DHDH: variants seen among roughly 807,000 people sequenced by gnomAD.
The protein encoded by DHDH is trans-1,2-dihydrobenzene-1,2-diol dehydrogenase.
Under a neutral mutation model 33.2 loss-of-function variants are expected in DHDH, and 29 were observed. The observed-to-expected ratio is 0.87, with a 90% CI of 0.65 to 1.19. The LOEUF is 1.19. DHDH is among the 50% of genes most tolerant of loss of function. The probability of loss-of-function intolerance (pLI) is 0.00; values close to 1 mark genes in which losing one functional copy is unlikely to be tolerated. For synonymous variants in DHDH, 201 were observed against 187.9 expected, an observed-to-expected ratio of 1.07 and a Z score of -0.57; for missense variants, 431 against 455.0, an observed-to-expected ratio of 0.95 and a Z score of 0.48.
rs780816198 is a variant in DHDH at position 48,933,833 on chromosome 19, TG to T, written c.90+26del. On this transcript the variant is annotated intron_variant, in intron 1 of 6. Transcript: ENST00000221403. The stretch of plus-strand genomic sequence containing the variant: ...CCAGGTCTGCCCGCCCTCCGGATTC[TG>T]GGGAAGAGGAGGCGGGGGGCGGGAC... The T allele has an allele frequency of 2.5e-6, 4 of 1,603,160 alleles. No homozygotes were observed. The Admixed American group carries it at 5.0e-5, about 20-fold the overall frequency.
chr19:48,944,543 G>A (rs2037914101), intron 6 of DHDH, 36 bp downstream of exon 6: 18 of 1,556,596 alleles, frequency 1.2e-5, no homozygotes, highest in Non-Finnish European at 1.6e-5. Flanking sequence ...GCCAGGCCTG[G>A]TAGGGGGATG....
intron 4 of DHDH, 92 bp from the exon 5 acceptor site, chr19:48,942,348 T>C (rs2037875982): frequency 7.4e-7 from 1 of 1,343,348 alleles, no homozygotes; most frequent in Non-Finnish European, 9.8e-7. Context: ...TGAAGTCTCT[T>C]GCCCAAGGTT....
chr19:48,944,800 T>A (rs780589183), intron 6 of DHDH, 24 bp from the exon 7 acceptor site: 47 of 1,596,286 alleles, frequency 2.9e-5, no homozygotes, highest in Non-Finnish European at 3.6e-5. Context: ...GTAGGAGGGG[T>A]CCCTAACTAC....
At position 48,944,841 on chromosome 19, in the gene DHDH, G is replaced by C; in HGVS notation, c.913G>C (p.Val305Leu). Residue 305 changes from valine (V) to leucine (L), a missense_variant, in exon 7 of 7, where the codon GTG becomes CTG. Val to Leu is a conservative substitution (Grantham distance 32). Transcript: ENST00000221403. Reference sequence around the variant, plus strand: ...CCCCACAGGTATGAAGGAAAGTCCTGTGATTCCCCTGTCGGAAAGTGAGCT... The same window carrying C: ...CCCCACAGGTATGAAGGAAAGTCCTCTGATTCCCCTGTCGGAAAGTGAGCT... Reference protein sequence around the residue: ...CLRKGMKESPVIPLSESELLA... With the variant: ...CLRKGMKESPLIPLSESELLA... 6.2e-7 allele frequency: 1 copy of C among 1,613,700 alleles called. No individual in the cohort carries two copies. The highest frequency in any genetic ancestry group is 8.5e-7 in the Non-Finnish European group (1 of 1,180,022).
intron 3 of DHDH, among the ~76,000 whole-genome samples, chr19:48,937,509 C>T (rs983002216): frequency 1.1e-4 from 16 of 151,446 alleles, no homozygotes; most frequent in Admixed American, 4.6e-4. Context: ...AACTCCGTCT[C>T]TACTAAAAAA....
intron 3 of DHDH, among the ~76,000 whole-genome samples, chr19:48,939,248 T>C (rs552334494): frequency 1.4e-4 from 21 of 151,406 alleles, no homozygotes; most frequent in African/African-American, 4.4e-4. Context: ...GAGACCAGCC[T>C]GGGCGACATA....
upstream of DHDH, chr19:48,933,618 A>C (rs1008687642): frequency 2.8e-5 from 29 of 1,051,410 alleles, no homozygotes; most frequent in Middle Eastern, 5.5e-4. Context: ...GCGTAGGCGC[A>C]ATACGGGCGG....
intron 4 of DHDH, among the ~76,000 whole-genome samples, chr19:48,940,651 C>T (rs2037845934): frequency 6.6e-6 from 1 of 151,860 alleles, no homozygotes; most frequent in Non-Finnish European, 1.5e-5. Flanking sequence ...GCCAGGAGTT[C>T]AAGACCACCC....
At chr19:48,943,326 G>A (rs1054231406) in intron 5 of DHDH, among the ~76,000 whole-genome samples, 1 of 152,030 alleles carries the variant, frequency 6.6e-6, no homozygotes, top group African/African-American at 2.4e-5. Flanking sequence ...TGCATCCGGG[G>A]GAGGATCTGG....
At chr19:48,933,459 T>G (rs1446520079), upstream of DHDH, among the ~76,000 whole-genome samples, 2 of 152,132 alleles carry the variant, frequency 1.3e-5, no homozygotes, top group African/African-American at 4.8e-5. Context: ...ACCCCGCGTA[T>G]CCGACGAGCC....
At chr19:48,943,942 C>T (rs1303282060) in intron 5 of DHDH, among the ~76,000 whole-genome samples, 5 of 151,890 alleles carry the variant, frequency 3.3e-5, no homozygotes, top group Non-Finnish European at 7.4e-5. Flanking sequence ...TTGCAGTGAA[C>T]CGAGATTGAT....
In DHDH at chr19:48,936,024, C is replaced by A. The variant is rs1224247337; in HGVS notation, c.203-8C>A. On this transcript the variant is annotated splice_polypyrimidine_tract_variant and splice_region_variant and intron_variant, in intron 2 of 6. Coordinates refer to ENST00000221403, the MANE Select transcript of DHDH (RefSeq NM_014475.4). ...GGCTGCTGACCTCTTGACCTACTCC[C>A]ACCCTAGAGGTGGCCTACATTGGCA... The A allele has an allele frequency of 6.3e-7, 1 of 1,591,938 alleles. No homozygotes were observed. The highest frequency in any genetic ancestry group is 1.8e-5 in the Admixed American group (1 of 56,182).
chr19:48,940,996 C>CA (rs35826547), intron 4 of DHDH, among the ~76,000 whole-genome samples: 1,634 of 139,104 alleles, frequency 0.012, 11 homozygotes, highest in Middle Eastern at 0.019. Context: ...GACCCTGTCT[C>CA]AAAAAAAAAA....
chr19:48,933,532 A>G (rs1437729123), upstream of DHDH: 3 of 610,758 alleles, frequency 4.9e-6, no homozygotes, highest in Middle Eastern at 4.4e-4. Flanking sequence ...TGTAAGGCGG[A>G]GCTAAACGGT....
rs1353640002 is a variant in DHDH, at chr19:48,936,135, C to T, written c.306C>T (p.Asn102=). 2.5e-6 allele frequency: 4 copies of T among 1,609,982 alleles called. No individual in the cohort carries two copies. Among genetic ancestry groups the T allele is most frequent in the Non-Finnish European group, 3.4e-6 (4 of 1,179,020 alleles). ...TGTGCGAGAAGCCCACGGGCGTGAACGCGGCGGAAGTTCGCGAGATGGTCG... is the reference window on the plus strand; with the variant it reads ...TGTGCGAGAAGCCCACGGGCGTGAATGCGGCGGAAGTTCGCGAGATGGTCG... ...AVLCEKPTGV[N]AAEVREMVAE... The change falls in exon 3 of 7, where the codon AAC becomes AAT. Residue 102 remains asparagine (N), a synonymous_variant. Coordinates refer to ENST00000221403, the MANE Select transcript of DHDH (RefSeq NM_014475.4).
At chr19:48,942,417 C>A in intron 4 of DHDH, 23 bp from the exon 5 acceptor site, 1 of 1,587,636 alleles carries the variant, frequency 6.3e-7, no homozygotes, top group Non-Finnish European at 8.6e-7. Context: ...GAGACCCTGC[C>A]CTGACCCAGG....
chr19:48,942,792 C>T (rs923695661), intron 5 of DHDH, among the ~76,000 whole-genome samples: 2 of 150,794 alleles, frequency 1.3e-5, no homozygotes, highest in African/African-American at 4.9e-5. Flanking sequence ...CGGTGGCTCA[C>T]GTCTGTAATC....
Position 48,933,750 on chromosome 19 carries a change from T to C in DHDH, c.29T>C (p.Val10Ala). 1 of 1,613,444 alleles carries C rather than the reference T, an allele frequency of 6.2e-7. No homozygotes were observed. Among genetic ancestry groups the C allele is most frequent in the Non-Finnish European group, 8.5e-7 (1 of 1,180,028 alleles). The change falls in exon 1 of 7, where the codon GTC becomes GCC. Residue 10 changes from valine (V) to alanine (A), a missense_variant. Coordinates refer to ENST00000221403, the MANE Select transcript of DHDH (RefSeq NM_014475.4). MALRWGIVS[V>A]GLISSDFTAV... ...GCGCTGCGCTGGGGCATCGTGTCTG[T>C]CGGCCTCATCTCCAGCGACTTCACA...
intron 3 of DHDH, among the ~76,000 whole-genome samples, chr19:48,937,097 C>G (rs1291919592): frequency 6.6e-6 from 1 of 151,926 alleles, no homozygotes; most frequent in African/African-American, 2.4e-5. Flanking sequence ...ACCTCAAGGT[C>G]TTTCATGTAA....
Sources: gnomAD v4.1 joint callset for allele counts (sites outside exome capture counted in the v4.1 genomes callset) on GRCh38, gnomAD v4.1.1 for gene constraint, MANE v1.5 for transcripts, NCBI Gene and HGNC (gene_info 2026-07-23, HGNC 2026-07-21) for gene names.